Variants in ADGRA3 observed in about 807,000 individuals in gnomAD.
ADGRA3 encodes G-protein coupled receptor 125.
Under a neutral mutation model 119.8 loss-of-function variants are expected in ADGRA3, and 56 were observed. The observed-to-expected ratio is 0.47, with a 90% CI of 0.38 to 0.58. The LOEUF is 0.58. ADGRA3 is among the 20% of genes least tolerant of loss of function. The pLI is 0.00. For synonymous variants in ADGRA3, 607 were observed against 623.8 expected (o/e 0.97, Z 0.40); for missense variants, 1,516 against 1,649.0 (o/e 0.92, Z 1.40).
At chr4:22,469,552 T>C (rs16872716) in intron 2 of ADGRA3, among the ~76,000 whole-genome samples, 4,542 of 152,288 alleles carry the variant, frequency 0.03, 83 homozygotes, top group Middle Eastern at 0.068. Context: ...TTTGTAACTC[T>C]AGCCCAAACA....
intron 14 of ADGRA3, among the ~76,000 whole-genome samples, chr4:22,404,799 T>C (rs766106984): frequency 6.6e-5 from 10 of 152,156 alleles, no homozygotes; most frequent in Admixed American, 1.3e-4. Context: ...GTCCAGAATA[T>C]TAGTAGGGAA....
At chr4:22,508,580 T>TG (rs1719326241) in intron 1 of ADGRA3, among the ~76,000 whole-genome samples, 2 of 152,318 alleles carry the variant, frequency 1.3e-5, no homozygotes, top group South Asian at 4.1e-4. Flanking sequence ...ATCTTACTCT[T>TG]GATCCAATGG....
Position 22,413,640 on chromosome 4 carries a change from GT to G in ADGRA3, c.1983del (p.Lys661AsnfsTer9). On this transcript the variant is annotated frameshift_variant, in exon 13 of 19. Coordinates refer to ENST00000334304, the MANE Select transcript of ADGRA3 (RefSeq NM_145290.4). LOFTEE classifies it high-confidence loss of function. The stretch of plus-strand genomic sequence containing the variant: ...ATCACAGGGGTAACCACAGTACGTC[GT>G]TTTCCATCATCAGCCAAATTTGTTG... ...GNSTNLADDG[K>X]RRTVVTPVIL... is the part of the protein sequence containing the mutation. 2 of 1,613,938 alleles carry G rather than the reference GT, an allele frequency of 1.2e-6. No individual in the cohort carries two copies. Among genetic ancestry groups the G allele is most frequent in the Non-Finnish European group, 1.7e-6 (2 of 1,179,904 alleles).
chr4:22,452,804 T>C (rs1308169028), intron 4 of ADGRA3, among the ~76,000 whole-genome samples: 1 of 152,164 alleles, frequency 6.6e-6, no homozygotes, highest in Admixed American at 6.5e-5. Flanking sequence ...GGCTCCACTT[T>C]ACTATTTTGT....
chr4:22,463,580 G>GTGTTTTCTTCCA, intron 2 of ADGRA3, among the ~76,000 whole-genome samples: 1 of 152,294 alleles, frequency 6.6e-6, no homozygotes, highest in Non-Finnish European at 1.5e-5. Context: ...ACAGATTCAC[G>GTGTTTTCTTCCA]TGTTTTCTTC....
Position 22,422,605 on chromosome 4 carries a change from C to A in ADGRA3, c.1606-1516G>T, listed in dbSNP as rs73112120. ...GAAAGAAATCTGTCATTTTGAGGCA[C>A]CTGTGAAGCCATATCATTTTACTTA... On this transcript the variant is annotated intron_variant, in intron 11 of 18. Coordinates refer to ENST00000334304, the MANE Select transcript of ADGRA3 (RefSeq NM_145290.4). Among the ~76,000 whole-genome samples, 11 of 152,144 alleles carry A rather than the reference C, an allele frequency of 7.2e-5. No individual in the cohort carries two copies. In the East Asian group the frequency reaches 1.9e-3, roughly 27 times the overall value.
intron 14 of ADGRA3, among the ~76,000 whole-genome samples, chr4:22,405,734 CA>C (rs1379488150): frequency 6.6e-6 from 1 of 152,008 alleles, no homozygotes; most frequent in Non-Finnish European, 1.5e-5. Context: ...ATTTTGTTCT[CA>C]ACATGTTTTT....
intron 2 of ADGRA3, among the ~76,000 whole-genome samples, chr4:22,472,253 A>G (rs1414446393): frequency 6.6e-6 from 1 of 152,214 alleles, no homozygotes; most frequent in African/African-American, 2.4e-5. Flanking sequence ...AACAGAAAAC[A>G]TAATAGGAAT....
At chr4:22,447,631 T>C in intron 4 of ADGRA3, 120 bp from the exon 5 acceptor site, 1 of 560,544 alleles carries the variant, frequency 1.8e-6, no homozygotes, top group Non-Finnish European at 3.1e-6. Flanking sequence ...TCATGAAAGT[T>C]TCAATGCTTA....
chr4:22,493,976 G>A (rs1472744099), intron 1 of ADGRA3, among the ~76,000 whole-genome samples: 5 of 152,002 alleles, frequency 3.3e-5, no homozygotes, highest in Non-Finnish European at 2.9e-5. Flanking sequence ...AGGCCGAGGC[G>A]GGTGGATCAC....
chr4:22,391,700 A>T (rs2108993817), intron 17 of ADGRA3, among the ~76,000 whole-genome samples: 1 of 152,282 alleles, frequency 6.6e-6, no homozygotes, highest in South Asian at 2.1e-4. Context: ...TTTAAATAGG[A>T]CACACAAAGG....
At chr4:22,443,231 C>CA (rs1239561887) in intron 6 of ADGRA3, 1 of 522,920 alleles carries the variant, frequency 1.9e-6, no homozygotes, top group Non-Finnish European at 3.3e-6. Flanking sequence ...GACTGCAATA[C>CA]CTTTGATTAC....
chr4:22,467,761 T>C (rs2109111703), intron 2 of ADGRA3, among the ~76,000 whole-genome samples: 1 of 152,238 alleles, frequency 6.6e-6, no homozygotes. Context: ...TAACATCCCC[T>C]TTTTCCCCCA....
chr4:22,435,378 T>A lies in ADGRA3; in HGVS notation c.1376A>T (p.Asp459Val), dbSNP rs775331061. The A allele has an allele frequency of 1.2e-6, 2 of 1,613,506 alleles. No individual in the cohort carries two copies. The highest frequency in any genetic ancestry group is 3.3e-5 in the Admixed American group (2 of 59,998). ...VEAANFSDKM[D>V]VIFVAEMIEK... ...AATCATTTCTGCCACAAATATAACATCCATTTTGTCAGAAAAGTTGGCTGC... is the reference window on the plus strand; with the variant it reads ...AATCATTTCTGCCACAAATATAACAACCATTTTGTCAGAAAAGTTGGCTGC... Residue 459 changes from aspartate to valine, a missense_variant, in exon 10 of 19, where the codon GAT (aspartate) becomes GTT (valine). Asp to Val is a radical substitution (Grantham distance 152). This residue lies in a region of ADGRA3 where 1,088 missense variants were observed against 1,107.1 expected (regional missense o/e 0.98). Coordinates refer to ENST00000334304, the MANE Select transcript of ADGRA3 (RefSeq NM_145290.4).
intron 4 of ADGRA3, among the ~76,000 whole-genome samples, chr4:22,452,178 T>C (rs1717068220): frequency 6.6e-6 from 1 of 152,206 alleles, no homozygotes; most frequent in Non-Finnish European, 1.5e-5. Flanking sequence ...AGGCCAGGTA[T>C]ACTGCTATAT....
chr4:22,461,621 G>A (rs1717459132), intron 3 of ADGRA3, 116 bp downstream of exon 3: 1 of 683,932 alleles, frequency 1.5e-6, no homozygotes. Flanking sequence ...CAGGGACCTG[G>A]CCAGGTAAAG....
chr4:22,479,095 A>T (rs1351104464), intron 1 of ADGRA3, among the ~76,000 whole-genome samples: 2 of 152,176 alleles, frequency 1.3e-5, no homozygotes, highest in Non-Finnish European at 2.9e-5. Flanking sequence ...AAAGCTCATC[A>T]TCAATGGTCA....
chr4:22,474,058 T>C (rs938369322), intron 1 of ADGRA3, among the ~76,000 whole-genome samples: 5 of 152,214 alleles, frequency 3.3e-5, no homozygotes, highest in Non-Finnish European at 5.9e-5. Context: ...ATCTAAATTA[T>C]TTCTATCACA....
chr4:22,429,195 C>T (rs995854851), intron 10 of ADGRA3, among the ~76,000 whole-genome samples: 1 of 152,030 alleles, frequency 6.6e-6, no homozygotes, highest in African/African-American at 2.4e-5. Context: ...ATAAAACATG[C>T]CAAAATACTG....
Sources: gnomAD v4.1 joint callset for allele counts (sites outside exome capture counted in the v4.1 genomes callset) on GRCh38, gnomAD v4.1.1 for gene constraint, gnomAD v4.1.1 regional missense constraint, MANE v1.5 for transcripts, NCBI Gene and HGNC (gene_info 2026-07-23, HGNC 2026-07-21) for gene names.